Variants in ALS2 observed in about 807,000 individuals in gnomAD.
ALS2 encodes alsin.
ALS2 carries 117 observed loss-of-function variants against 203.4 expected under a neutral mutation model. The ratio of observed to expected loss-of-function variants is 0.58; its 90% CI spans 0.50 to 0.67. ALS2 has a LOEUF of 0.67. Among genes scored for constraint, ALS2 ranks in the 30% least tolerant of loss-of-function variants. The probability of loss-of-function intolerance (pLI) is 0.00; values close to 1 mark genes in which losing one functional copy is unlikely to be tolerated. For synonymous variants in ALS2, 718 were observed against 725.9 expected, an observed-to-expected ratio of 0.99 and a Z score of 0.17; for missense variants, 1,715 against 1,989.4, an observed-to-expected ratio of 0.86 and a Z score of 2.62.
Position 201,775,049 on chromosome 2 carries a change from G to C in ALS2, c.-61+5828C>G, listed in dbSNP as rs547650607. 3.7e-4 allele frequency among the ~76,000 whole-genome samples: 57 copies of C among 152,144 alleles called. 1 individual carries two copies. The South Asian group carries it at 5.8e-3, about 15-fold the overall frequency. On this transcript the variant is annotated intron_variant, in intron 1 of 33. Transcript: ENST00000264276. Reference sequence around the variant, plus strand: ...GTCTTATTCTCCTGTCTCAATTACCGGTTTAAAATAGTAAAACAACAGTAA... The same window carrying C: ...GTCTTATTCTCCTGTCTCAATTACCCGTTTAAAATAGTAAAACAACAGTAA...
intron 13 of ALS2, among the ~76,000 whole-genome samples, chr2:201,730,867 T>C (rs1014231423): frequency 2.0e-5 from 3 of 152,268 alleles, no homozygotes; most frequent in African/African-American, 7.2e-5. Flanking sequence ...ACTGCCTTGA[T>C]TCCTACCAAG....
rs955534846 is a variant in ALS2 at position 201,761,558 on chromosome 2, G to A, written c.436C>T (p.Pro146Ser). The change falls in exon 4 of 34, where the codon CCT becomes TCT. Residue 146 changes from proline to serine, a missense_variant. Physicochemically the swap from Pro to Ser is moderately conservative, Grantham distance 74 (BLOSUM62 -1). Around this residue, in one of 3 missense-constraint regions of ALS2, gnomAD observed 476 missense variants for 539.3 expected, o/e 0.88. Coordinates refer to ENST00000264276, the MANE Select transcript of ALS2 (RefSeq NM_020919.4). ...TGTAAAATCCTGACTGCTAACAAAGGGCTGGCCTCAGAATCAGCAATGCTG... is the reference window on the plus strand; with the variant it reads ...TGTAAAATCCTGACTGCTAACAAAGAGCTGGCCTCAGAATCAGCAATGCTG... ...PVSIADSEAS[P>S]LLAVRILQLA... 3.1e-6 allele frequency: 5 copies of A among 1,614,044 alleles called. No homozygotes were observed. In the African/African-American group the frequency reaches 5.3e-5, roughly 17 times the overall value.
Position 201,701,438 on chromosome 2 carries a change from C to T in ALS2, c.*413G>A, listed in dbSNP as rs1689383751. 3.0e-5 allele frequency: 5 copies of T among 169,246 alleles called. No individual in the cohort carries two copies. The South Asian group carries it at 7.3e-4, about 25-fold the overall frequency. 10.5% of individuals were successfully genotyped at this position (169,246 alleles called of 1,614,324 possible). ...TCTTGCAAACGGATCGGGGTAACTG[C>T]AGGTGGATTCAGGCAAACCAGAAAT... On this transcript the variant is annotated 3_prime_UTR_variant, in exon 34 of 34. Coordinates refer to ENST00000264276, the MANE Select transcript of ALS2 (RefSeq NM_020919.4).
chr2:201,750,071 CAGG>C (rs1457395727), intron 7 of ALS2, among the ~76,000 whole-genome samples: 1 of 151,018 alleles, frequency 6.6e-6, no homozygotes, highest in Non-Finnish European at 1.5e-5. Context: ...GAGGCTGAGG[CAGG>C]AGAATGGCTT....
chr2:201,771,958 T>C (rs966407967), intron 1 of ALS2, among the ~76,000 whole-genome samples: 2 of 152,200 alleles, frequency 1.3e-5, no homozygotes, highest in African/African-American at 4.8e-5. Flanking sequence ...TCTCTTACCT[T>C]GCATGGCCTC....
chr2:201,768,110 T>C (rs1380336489), intron 2 of ALS2, among the ~76,000 whole-genome samples: 1 of 152,188 alleles, frequency 6.6e-6, no homozygotes, highest in African/African-American at 2.4e-5. Context: ...GAGAACAATA[T>C]GAGAAACAGG....
At chr2:201,738,035 G>A (rs1449523402) in intron 12 of ALS2, among the ~76,000 whole-genome samples, 1 of 152,078 alleles carries the variant, frequency 6.6e-6, no homozygotes, top group Non-Finnish European at 1.5e-5. Context: ...GCACAGTGGT[G>A]CATGCCTATA....
chr2:201,761,316 C>T lies in ALS2; in HGVS notation c.678G>A (p.Lys226=). ...ACTGGTTGCATCGTTCTGGGACTGG[C>T]TTCAGATCCTGGGAAGGGAGGCATT... ...LVQCLPSQDL[K]PVPERCNQCS... is the part of the protein sequence containing the mutation. Residue 226 remains lysine (K), a synonymous_variant, in exon 4 of 34, where the codon AAG becomes AAA. Coordinates refer to ENST00000264276, the MANE Select transcript of ALS2 (RefSeq NM_020919.4). 1 of 1,614,118 alleles carries T rather than the reference C, an allele frequency of 6.2e-7. No individual in the cohort carries two copies. The highest frequency in any genetic ancestry group is 2.2e-5 in the East Asian group (1 of 44,874).
At chr2:201,710,177 A>C in intron 26 of ALS2, 139 bp from the exon 27 acceptor site, 1 of 922,744 alleles carries the variant, frequency 1.1e-6, no homozygotes. Context: ...ATATTCAAAT[A>C]CTTTAATTTT....
chr2:201,722,740 C>T (rs542521671), intron 23 of ALS2: 2 of 352,864 alleles, frequency 5.7e-6, no homozygotes, highest in South Asian at 8.2e-5. Flanking sequence ...ATGTATGATT[C>T]CATTTATACA....
chr2:201,747,695 C>T (rs953348872), intron 8 of ALS2, among the ~76,000 whole-genome samples: 14 of 152,098 alleles, frequency 9.2e-5, no homozygotes, highest in Non-Finnish European at 1.5e-4. Context: ...ATGATTCGCC[C>T]GCCTCAGCCT....
At chr2:201,764,629 GTC>G (rs1253828395) in intron 3 of ALS2, among the ~76,000 whole-genome samples, 218 of 136,606 alleles carry the variant, frequency 1.6e-3, no homozygotes, top group Non-Finnish European at 2.8e-3. Flanking sequence ...GCGAGACTCC[GTC>G]TCAAAATAAA....
At chr2:201,751,561 A>G (rs1363560662) in intron 7 of ALS2, among the ~76,000 whole-genome samples, 1 of 152,238 alleles carries the variant, frequency 6.6e-6, no homozygotes, top group Non-Finnish European at 1.5e-5. Flanking sequence ...ATATAAGTGC[A>G]GCAACACTTT....
intron 13 of ALS2, among the ~76,000 whole-genome samples, chr2:201,731,467 GTAA>G (rs932787222): frequency 5.9e-5 from 9 of 152,088 alleles, no homozygotes; most frequent in Non-Finnish European, 8.8e-5. Context: ...GATGAAATCG[GTAA>G]TAATAATAAT....
In ALS2 at chr2:201,754,593, G is replaced by C. The variant is rs200950390; in HGVS notation, c.1550C>G (p.Ala517Gly). The change falls in exon 6 of 34, where the codon GCA becomes GGA. Residue 517 changes from alanine to glycine, a missense_variant. Ala to Gly is a moderately conservative substitution (Grantham distance 60). This residue lies in a region of ALS2 where 1,227 missense variants were observed against 1,413.5 expected (regional missense o/e 0.87). Transcript: ENST00000264276. ...VVLTPTYSGE[A>G]DALLPSLRTE... ...TCTCAGAGAAGGCAGGAGCGCATCTGCTTCTCCACTGTATGTGGGGGTCAG... is the reference window on the plus strand; with the variant it reads ...TCTCAGAGAAGGCAGGAGCGCATCTCCTTCTCCACTGTATGTGGGGGTCAG... The C allele has an allele frequency of 2.3e-5, 37 of 1,614,112 alleles. No individual in the cohort carries two copies. The highest frequency in any genetic ancestry group is 2.8e-5 in the Non-Finnish European group (33 of 1,179,992).
At position 201,701,769 on chromosome 2, in the gene ALS2, C is replaced by CT. The variant is rs1689405470; in HGVS notation, c.*81dup. On this transcript the variant is annotated 3_prime_UTR_variant, in exon 34 of 34. Transcript: ENST00000264276. ...AGTCCTTTCCAATTTCAACACTGTT[C>CT]TTTTTTGCCACTACAGGAAGACTCC... 6 of 1,345,770 alleles carry CT rather than the reference C, an allele frequency of 4.5e-6. No individual in the cohort carries two copies. Among genetic ancestry groups the CT allele is most frequent in the Non-Finnish European group, 6.4e-6 (6 of 938,396 alleles). The allele number at this position is 1,345,770 out of a possible 1,614,324, so 83.4% of individuals were successfully genotyped here.
intron 8 of ALS2, 32 bp downstream of exon 8, chr2:201,749,679 TG>T (rs760636725): frequency 1.3e-6 from 2 of 1,545,536 alleles, no homozygotes; most frequent in Admixed American, 3.3e-5. Context: ...CTAAGAATTG[TG>T]GAATAAGTTG....
chr2:201,753,756 T>C (rs1228812789), intron 6 of ALS2, among the ~76,000 whole-genome samples: 3 of 152,208 alleles, frequency 2.0e-5, no homozygotes, highest in Admixed American at 6.5e-5. Flanking sequence ...GTTTGAATTA[T>C]AGTTATTTTG....
intron 1 of ALS2, among the ~76,000 whole-genome samples, chr2:201,770,498 A>G (rs1198122771): frequency 6.6e-6 from 1 of 152,102 alleles, no homozygotes; most frequent in East Asian, 1.9e-4. Flanking sequence ...AACTGTTTTT[A>G]CAACTTTCTT....
Sources: gnomAD v4.1 joint callset for allele counts (sites outside exome capture counted in the v4.1 genomes callset) on GRCh38, gnomAD v4.1.1 for gene constraint, gnomAD v4.1.1 regional missense constraint, MANE v1.5 for transcripts, NCBI Gene and HGNC (gene_info 2026-07-23, HGNC 2026-07-21) for gene names.